CEP112: variants seen among roughly 807,000 people sequenced by gnomAD.
CEP112 encodes centrosomal protein of 112 kDa.
In CEP112, 127 loss-of-function variants were observed where a neutral mutation model predicts 153.0. The ratio of observed to expected loss-of-function variants is 0.83; its 90% confidence interval spans 0.72 to 0.96. CEP112 has a LOEUF of 0.96. CEP112 is among the 40% of genes least tolerant of loss of function. The pLI, the probability that CEP112 is intolerant of heterozygous loss-of-function variation, is 0.00. For missense variants in CEP112, 1,089 were observed against 1,101.2 expected, an observed-to-expected ratio of 0.99 and a Z score of 0.16; for synonymous variants, 358 against 374.4, an observed-to-expected ratio of 0.96 and a Z score of 0.51.
intron 23 of CEP112, among the ~76,000 whole-genome samples, chr17:65,735,124 C>T (rs1239038135): frequency 3.3e-5 from 5 of 152,114 alleles, no homozygotes; most frequent in African/African-American, 1.2e-4. Context: ...CTGTCAGGCT[C>T]ACAGTGGTGG....
chr17:65,858,128 G>A (rs2058187123), intron 20 of CEP112, among the ~76,000 whole-genome samples: 1 of 152,046 alleles, frequency 6.6e-6, no homozygotes, highest in Non-Finnish European at 1.5e-5. Flanking sequence ...TTCCAGATTT[G>A]TATGTGTGTG....
chr17:65,749,614 G>A (rs1051348177), intron 22 of CEP112, among the ~76,000 whole-genome samples: 2 of 152,134 alleles, frequency 1.3e-5, no homozygotes, highest in African/African-American at 4.8e-5. Context: ...TCCAGACTGG[G>A]TCCTGGCTGA....
At chr17:65,920,754 C>A (rs569448579) in intron 19 of CEP112, among the ~76,000 whole-genome samples, 1 of 152,054 alleles carries the variant, frequency 6.6e-6, no homozygotes, top group South Asian at 2.1e-4. Flanking sequence ...CTTATGTGAC[C>A]TGAAATGTAA....
At chr17:65,988,183 C>T (rs2063472352) in intron 17 of CEP112, among the ~76,000 whole-genome samples, 1 of 152,134 alleles carries the variant, frequency 6.6e-6, no homozygotes, top group Admixed American at 6.5e-5. Flanking sequence ...TAGAACCAAG[C>T]AAAACCTGGG....
intron 5 of CEP112, among the ~76,000 whole-genome samples, chr17:66,130,843 G>A (rs956241469): frequency 2.0e-5 from 3 of 148,600 alleles, no homozygotes; most frequent in African/African-American, 7.5e-5. Flanking sequence ...ACAATTCCAT[G>A]CTTTTTTCCC....
intron 20 of CEP112, among the ~76,000 whole-genome samples, chr17:65,893,569 T>C (rs2059553976): frequency 6.6e-6 from 1 of 152,164 alleles, no homozygotes; most frequent in Non-Finnish European, 1.5e-5. Flanking sequence ...TAAAAAACAT[T>C]ATCTCAAGTT....
chr17:66,069,878 T>G, intron 9 of CEP112, 37 bp downstream of exon 9: 1 of 1,121,112 alleles, frequency 8.9e-7, no homozygotes, highest in African/African-American at 1.6e-5. Flanking sequence ...ATATTTTTAG[T>G]GTTCAATATA....
chr17:65,806,563 C>A (rs2055612609), intron 21 of CEP112, among the ~76,000 whole-genome samples: 1 of 152,114 alleles, frequency 6.6e-6, no homozygotes, highest in African/African-American at 2.4e-5. Flanking sequence ...GGGGGAGGGC[C>A]CTGGTGGGAG....
At chr17:66,181,194 A>C (rs1300754759) in intron 2 of CEP112, among the ~76,000 whole-genome samples, 3 of 152,198 alleles carry the variant, frequency 2.0e-5, no homozygotes, top group Admixed American at 1.3e-4. Context: ...TAGCAATAAG[A>C]TGTAATTTAT....
At chr17:65,982,312 A>G (rs16958778) in intron 17 of CEP112, among the ~76,000 whole-genome samples, 2,435 of 152,300 alleles carry the variant, frequency 0.016, 26 homozygotes, top group Non-Finnish European at 0.025. Context: ...GCAGAGAAAA[A>G]TGTGCTTTAT....
intron 21 of CEP112, among the ~76,000 whole-genome samples, chr17:65,775,714 G>A (rs2053639099): frequency 6.6e-6 from 1 of 151,940 alleles, no homozygotes; most frequent in African/African-American, 2.4e-5. Context: ...TGTTGACTAG[G>A]CTTGTTTCTA....
intron 17 of CEP112, among the ~76,000 whole-genome samples, chr17:65,996,995 G>T (rs1279800846): frequency 6.6e-6 from 1 of 152,104 alleles, no homozygotes; most frequent in Non-Finnish European, 1.5e-5. Flanking sequence ...GCTTGCCTGA[G>T]CTCAGGAGTT....
intron 16 of CEP112, among the ~76,000 whole-genome samples, chr17:66,018,340 G>T (rs1288720635): frequency 6.6e-6 from 1 of 151,994 alleles, no homozygotes; most frequent in African/African-American, 2.4e-5. Context: ...AAGAATTTAG[G>T]TAATCACAAA....
intron 16 of CEP112, among the ~76,000 whole-genome samples, chr17:66,006,789 G>C (rs12942897): frequency 0.43 from 64,902 of 151,988 alleles, 15,379 homozygotes; most frequent in East Asian, 0.87. Flanking sequence ...CAGAGCCCAG[G>C]TGGGAGGTGG....
chr17:66,039,067 A>G (rs1445614975), intron 12 of CEP112, among the ~76,000 whole-genome samples: 1 of 152,200 alleles, frequency 6.6e-6, no homozygotes, highest in Non-Finnish European at 1.5e-5. Flanking sequence ...AAAAGTGGGA[A>G]AAACATAAAT....
At chr17:65,640,383 A>G (rs902988791) in intron 25 of CEP112, among the ~76,000 whole-genome samples, 6 of 151,886 alleles carry the variant, frequency 4.0e-5, no homozygotes, top group Non-Finnish European at 8.8e-5. Flanking sequence ...CAAACTCCTG[A>G]CCTCAAATGG....
chr17:65,765,463 G>A (rs11655131), intron 21 of CEP112, among the ~76,000 whole-genome samples: 44,364 of 151,798 alleles, frequency 0.29, 7,892 homozygotes, highest in Middle Eastern at 0.45. Flanking sequence ...TCCCCTGCCA[G>A]AAGCACAAAT....
At chr17:66,038,683 G>A (rs1427328629) in intron 12 of CEP112, among the ~76,000 whole-genome samples, 6 of 152,182 alleles carry the variant, frequency 3.9e-5, no homozygotes, top group East Asian at 1.9e-4. Flanking sequence ...ATAAGTTACT[G>A]TACAGAAAAT....
intron 20 of CEP112, among the ~76,000 whole-genome samples, chr17:65,887,971 T>C (rs2059341533): frequency 6.6e-6 from 1 of 152,074 alleles, no homozygotes; most frequent in Admixed American, 6.6e-5. Flanking sequence ...TACCCCCTTG[T>C]TTGCACTTCC....
Sources: gnomAD v4.1 joint callset for allele counts (sites outside exome capture counted in the v4.1 genomes callset) on GRCh38, gnomAD v4.1.1 for gene constraint, MANE v1.5 for transcripts, NCBI Gene and HGNC (gene_info 2026-07-23, HGNC 2026-07-21) for gene names.